Variants in AKAP9 observed in about 807,000 individuals in gnomAD.
The protein encoded by AKAP9 is A-kinase anchor protein 9.
AKAP9 carries 311 observed loss-of-function variants against 488.5 expected under a neutral mutation model. The observed-to-expected ratio is 0.64, with a 90% confidence interval of 0.58 to 0.70. AKAP9 has a LOEUF of 0.70. Among genes scored for constraint, AKAP9 ranks in the 30% least tolerant of loss-of-function variants. AKAP9 has a pLI of 0.00. For missense variants in AKAP9, 4,215 were observed against 4,374.5 expected, an observed-to-expected ratio of 0.96 and a Z score of 1.03; for synonymous variants, 1,462 against 1,483.5, an observed-to-expected ratio of 0.99 and a Z score of 0.33.
chr7:92,055,621 C>T (rs997782705), intron 22 of AKAP9, among the ~76,000 whole-genome samples: 3 of 151,962 alleles, frequency 2.0e-5, no homozygotes, highest in African/African-American at 7.2e-5. Context: ...TTATCTGAAA[C>T]CTGGCGATAA....
chr7:92,091,027 G>T (rs774988832), intron 38 of AKAP9, among the ~76,000 whole-genome samples: 18 of 152,024 alleles, frequency 1.2e-4, no homozygotes, highest in Non-Finnish European at 7.4e-5. Context: ...GTTCCTGAAG[G>T]GTTTAGTCCT....
chr7:92,074,346 C>T (rs944104731), intron 28 of AKAP9, among the ~76,000 whole-genome samples: 1 of 151,934 alleles, frequency 6.6e-6, no homozygotes, highest in African/African-American at 2.4e-5. Context: ...GAAAGGTAAT[C>T]ATTAAAGAGG....
At chr7:91,996,586 A>G (rs1281924634) in intron 7 of AKAP9, among the ~76,000 whole-genome samples, 1 of 152,130 alleles carries the variant, frequency 6.6e-6, no homozygotes, top group Non-Finnish European at 1.5e-5. Flanking sequence ...CTCAGCTAGA[A>G]GTGTATGTCC....
rs749921738 is a variant in AKAP9 at position 92,093,303 on chromosome 7, T to C, written c.9565T>C (p.Leu3189=). 4 of 1,613,844 alleles carry C rather than the reference T, an allele frequency of 2.5e-6. No individual in the cohort carries two copies. Among genetic ancestry groups the C allele is most frequent in the African/African-American group, 1.3e-5 (1 of 74,916 alleles). ...GGCACAGCATAAACACCTAAAAGAATTGGAGGCTTTCAGGTGTGCCAGGCT... is the reference window on the plus strand; with the variant it reads ...GGCACAGCATAAACACCTAAAAGAACTGGAGGCTTTCAGGTGTGCCAGGCT... ...LKAQHKHLKE[L]EAFRLEVKDK... is the part of the protein sequence containing the mutation. The change falls in exon 39 of 50, where the codon TTG becomes CTG. Residue 3189 remains leucine (L), a synonymous_variant. Transcript: ENST00000356239.
Position 92,001,768 on chromosome 7 carries a change from A to AC in AKAP9, c.1852dup (p.Gln618ProfsTer4). ...CTGTGTTAGACAGAATGGCTGAATC[A>AC]CAAGAAGCTGAATTAGAGAGGCTGA... On this transcript the variant is annotated frameshift_variant, in exon 8 of 50. Coordinates refer to ENST00000356239, the MANE Select transcript of AKAP9 (RefSeq NM_005751.5). LOFTEE classifies it high-confidence loss of function. 6.2e-7 allele frequency: 1 copy of AC among 1,613,514 alleles called. No homozygotes were observed. The highest frequency in any genetic ancestry group is 1.1e-5 in the South Asian group (1 of 91,058).
At chr7:92,018,371 T>C (rs1285767353) in intron 12 of AKAP9, among the ~76,000 whole-genome samples, 2 of 147,488 alleles carry the variant, frequency 1.4e-5, no homozygotes, top group Non-Finnish European at 3.0e-5. Context: ...GCAACAGAGC[T>C]CAAGACCTCA....
chr7:91,948,605 C>CTTTTTTTTTT (rs55928500), intron 1 of AKAP9, among the ~76,000 whole-genome samples: 1 of 107,564 alleles, frequency 9.3e-6, no homozygotes, highest in African/African-American at 3.9e-5. Flanking sequence ...TTGTAGATTT[C>CTTTTTTTTTT]TTTTTTTTTT....
intron 14 of AKAP9, among the ~76,000 whole-genome samples, chr7:92,025,165 A>G (rs1802923695): frequency 6.6e-6 from 1 of 152,204 alleles, no homozygotes; most frequent in Admixed American, 6.5e-5. Flanking sequence ...CAAAATAGGT[A>G]ATTAGGAAGA....
At chr7:92,097,556 T>C (rs368620316) in intron 41 of AKAP9, 30 bp from the exon 42 acceptor site, 12 of 1,601,902 alleles carry the variant, frequency 7.5e-6, no homozygotes, top group South Asian at 1.1e-5. Context: ...CTTATAATTA[T>C]TGTTTTCTTA....
Position 92,099,714 on chromosome 7 carries a change from T to G in AKAP9, c.10741T>G (p.Cys3581Gly), listed in dbSNP as rs149819328. 2.3e-5 allele frequency: 37 copies of G among 1,614,132 alleles called. No homozygotes were observed. In the African/African-American group the frequency reaches 4.3e-4, roughly 19 times the overall value. Residue 3581 changes from cysteine (C) to glycine (G), a missense_variant, in exon 44 of 50, where the codon TGT becomes GGT. By Grantham distance (159) the Cys-to-Gly change is radical (BLOSUM62 -3). Transcript: ENST00000356239. ...EPSLVSPSTS[C>G]GSLTERLLRQ... is the part of the protein sequence containing the mutation. ...CAGCTTGGTGTCCCCAAGTACTTCT[T>G]GTGGCTCATTGACTGAAAGACTACT... is the stretch of plus-strand genomic sequence containing the variant.
At chr7:92,022,047 AG>A (rs1802396983) in intron 12 of AKAP9, among the ~76,000 whole-genome samples, 190 bp from the exon 13 acceptor site, 1 of 152,240 alleles carries the variant, frequency 6.6e-6, no homozygotes, top group African/African-American at 2.4e-5. Flanking sequence ...GTGCTATGAA[AG>A]GTATGGAATA....
At chr7:92,103,171 A>T (rs576131141) in intron 46 of AKAP9, among the ~76,000 whole-genome samples, 2 of 150,138 alleles carry the variant, frequency 1.3e-5, no homozygotes, top group African/African-American at 4.9e-5. Context: ...CAGGCGAATC[A>T]CAAGGTCAGG....
intron 22 of AKAP9, 63 bp downstream of exon 22, chr7:92,053,021 C>A: frequency 7.4e-7 from 1 of 1,348,778 alleles, no homozygotes; most frequent in Non-Finnish European, 1.1e-6. Flanking sequence ...CCCACTCTCT[C>A]GACTGAGCTA....
chr7:91,982,531 T>C (rs1356167444), intron 3 of AKAP9, among the ~76,000 whole-genome samples: 1 of 152,142 alleles, frequency 6.6e-6, no homozygotes. Flanking sequence ...TCATCCTTTT[T>C]TATGGCTGCA....
At chr7:91,957,639 G>A (rs532503620) in intron 1 of AKAP9, among the ~76,000 whole-genome samples, 66 of 152,098 alleles carry the variant, frequency 4.3e-4, no homozygotes, top group Non-Finnish European at 8.2e-4. Flanking sequence ...GATGAGTACA[G>A]TTAGCTTTAT....
At chr7:92,070,434 GTT>G (rs1811522849) in intron 27 of AKAP9, among the ~76,000 whole-genome samples, 1 of 144,078 alleles carries the variant, frequency 6.9e-6, no homozygotes, top group Non-Finnish European at 1.5e-5. Context: ...GTTTTGTTTT[GTT>G]TTGTTTTGTT....
At chr7:92,032,496 CAAAA>C (rs56966156) in intron 16 of AKAP9, among the ~76,000 whole-genome samples, 14 of 80,508 alleles carry the variant, frequency 1.7e-4, no homozygotes, top group Non-Finnish European at 2.4e-4. Flanking sequence ...AACTCCGTCT[CAAAA>C]AAAAAAAAAA....
Position 91,993,017 on chromosome 7 carries a change from G to A in AKAP9, c.538G>A (p.Glu180Lys). The A allele has an allele frequency of 6.2e-7, 1 of 1,614,090 alleles. No individual in the cohort carries two copies. The highest frequency in any genetic ancestry group is 8.5e-7 in the Non-Finnish European group (1 of 1,179,976). ...EIEELNRELEEMRVTYGTEGL... is the reference protein window; with the variant it reads ...EIEELNRELEKMRVTYGTEGL... ...TGAAGAGCTAAACAGAGAGCTGGAA[G>A]AAATGAGGGTTACCTATGGGACTGA... The change falls in exon 5 of 50, where the codon GAA becomes AAA. Residue 180 changes from glutamate to lysine, a missense_variant. Glu to Lys is a moderately conservative substitution (Grantham distance 56). Coordinates refer to ENST00000356239, the MANE Select transcript of AKAP9 (RefSeq NM_005751.5).
rs771040833 is a variant in AKAP9, at chr7:92,086,352, C to G, written c.9149C>G (p.Thr3050Arg). Reference protein sequence around the residue: ...VLLAAFRTELTALGTTDAVGL... With the variant: ...VLLAAFRTELRALGTTDAVGL... ...CTAGCAGCATTTCGGACGGAGCTGACAGCTCTAGGTACTACAGATGCAGTT... is the reference window on the plus strand; with the variant it reads ...CTAGCAGCATTTCGGACGGAGCTGAGAGCTCTAGGTACTACAGATGCAGTT... The change falls in exon 37 of 50, where the codon ACA (threonine) becomes AGA (arginine). Residue 3050 changes from threonine to arginine, a missense_variant. Thr to Arg is a moderately conservative substitution (Grantham distance 71). Transcript: ENST00000356239. The G allele has an allele frequency of 1.2e-6, 2 of 1,614,012 alleles. No individual in the cohort carries two copies. The highest frequency in any genetic ancestry group is 4.5e-5 in the East Asian group (2 of 44,866).
Sources: gnomAD v4.1 joint callset for allele counts (sites outside exome capture counted in the v4.1 genomes callset) on GRCh38, gnomAD v4.1.1 for gene constraint, MANE v1.5 for transcripts, NCBI Gene and HGNC (gene_info 2026-07-23, HGNC 2026-07-21) for gene names.